Variants in IL16 observed in about 807,000 individuals in gnomAD.
IL16 encodes interleukin 16.
Under a neutral mutation model 110.1 loss-of-function variants are expected in IL16, and 67 were observed. The observed-to-expected ratio is 0.61, with a 90% CI of 0.50 to 0.75. The LOEUF (loss-of-function observed/expected upper bound fraction) is 0.75. IL16 is among the 30% of genes least tolerant of loss of function. IL16 has a pLI of 0.00. For synonymous variants in IL16, 689 were observed against 662.9 expected (o/e 1.04, Z -0.61); for missense variants, 1,545 against 1,655.0 (o/e 0.93, Z 1.15).
At position 81,290,623 on chromosome 15, in the gene IL16, C is replaced by T. The variant is rs1400406798; in HGVS notation, c.1420+83C>T. The T allele has an allele frequency of 4.4e-6, 4 of 898,956 alleles. No homozygotes were observed. In the African/African-American group the frequency reaches 6.7e-5, roughly 15 times the overall value. The allele number at this position is 898,956 out of a possible 1,614,324, so 55.7% of individuals were successfully genotyped here. On this transcript the variant is annotated intron_variant, in intron 11 of 18. Coordinates refer to ENST00000683961, the MANE Select transcript of IL16 (RefSeq NM_172217.5). Reference sequence around the variant, plus strand: ...ATTTATCCATTAACTCATCCTCTATCCAAGGAATAGTAACAGCATTTACCA... The same window carrying T: ...ATTTATCCATTAACTCATCCTCTATTCAAGGAATAGTAACAGCATTTACCA...
intron 3 of IL16, among the ~76,000 whole-genome samples, chr15:81,264,018 C>T (rs971487802): frequency 2.0e-5 from 3 of 152,200 alleles, no homozygotes; most frequent in African/African-American, 7.2e-5. Context: ...TTTCCCCAGA[C>T]CCGAAACGTG....
At chr15:81,257,997 G>GACACACACACAGATGT (rs1189199551) in intron 2 of IL16, among the ~76,000 whole-genome samples, 1 of 151,878 alleles carries the variant, frequency 6.6e-6, no homozygotes, top group Non-Finnish European at 1.5e-5. Context: ...CACACACACA[G>GACACACACACAGATGT]ACACACACAC....
chr15:81,259,143 A>G (rs1191229926), intron 2 of IL16, among the ~76,000 whole-genome samples: 1 of 152,252 alleles, frequency 6.6e-6, no homozygotes, highest in Non-Finnish European at 1.5e-5. Flanking sequence ...TATAGTAATA[A>G]GCAATATAGT....
At chr15:81,304,942 C>T (rs973926841) in intron 16 of IL16, among the ~76,000 whole-genome samples, 16 of 152,180 alleles carry the variant, frequency 1.1e-4, no homozygotes, top group African/African-American at 3.9e-4. Flanking sequence ...TAATGGACCT[C>T]ATTAAAGAGG....
At chr15:81,290,847 A>G (rs139598542) in intron 11 of IL16, among the ~76,000 whole-genome samples, 4 of 152,356 alleles carry the variant, frequency 2.6e-5, no homozygotes, top group African/African-American at 7.2e-5. Flanking sequence ...CATTCACACA[A>G]TAGCCCCTGC....
intron 8 of IL16, 54 bp from the exon 9 acceptor site, chr15:81,282,585 C>A (rs1899228938): frequency 3.0e-6 from 4 of 1,314,892 alleles, no homozygotes; most frequent in Middle Eastern, 2.4e-4. Flanking sequence ...GACGAGTAGG[C>A]CCCCTGGGAA....
chr15:81,288,850 C>CGTGT (rs1567038471), intron 10 of IL16, among the ~76,000 whole-genome samples: 1 of 81,372 alleles, frequency 1.2e-5, no homozygotes, highest in Admixed American at 1.2e-4. Flanking sequence ...TGTGTGTGTG[C>CGTGT]GTGTGTGTGT....
chr15:81,243,157 ATATATATTTTTTTT>A (rs1897398461), intron 2 of IL16, among the ~76,000 whole-genome samples: 4 of 36,580 alleles, frequency 1.1e-4, no homozygotes, highest in Admixed American at 3.7e-4. Context: ...ATATATATAT[ATATATATTTTTTTT>A]TTTTTTTTTT....
chr15:81,292,224 C>T (rs1462694403), intron 11 of IL16: 1 of 389,004 alleles, frequency 2.6e-6, no homozygotes, highest in African/African-American at 2.1e-5. Context: ...GCTGTGGCAG[C>T]CCCTGGAGGG....
chr15:81,308,528 T>C (rs1035802438), intron 18 of IL16, 77 bp from the exon 19 acceptor site: 30 of 1,087,450 alleles, frequency 2.8e-5, no homozygotes, highest in Non-Finnish European at 3.6e-5. Context: ...TCCTGGCTCT[T>C]TGGAGATCAA....
intron 2 of IL16, among the ~76,000 whole-genome samples, chr15:81,251,221 CA>C (rs1339926213): frequency 6.6e-6 from 1 of 152,142 alleles, no homozygotes; most frequent in Admixed American, 6.5e-5. Context: ...GGCTGGGATG[CA>C]GTGGTGTGAT....
intron 15 of IL16, among the ~76,000 whole-genome samples, chr15:81,301,888 A>C (rs1900306430): frequency 6.6e-6 from 1 of 152,160 alleles, no homozygotes. Flanking sequence ...GTCCATTGTA[A>C]ACAATGTGGG....
chr15:81,225,673 G>T lies in IL16; in HGVS notation c.274G>T (p.Asp92Tyr). Reference sequence around the variant, plus strand: ...TGCTCAACTCCAAGCAGCTGGGAATGATCGAGGCAAGACCTGTAGGAGGAT... The same window carrying T: ...TGCTCAACTCCAAGCAGCTGGGAATTATCGAGGCAAGACCTGTAGGAGGAT... Reference protein sequence around the residue: ...EAAQLQAAGNDRGKTCRRIFF... With the variant: ...EAAQLQAAGNYRGKTCRRIFF... The change falls in exon 2 of 19, where the codon GAT becomes TAT. Residue 92 changes from aspartate to tyrosine, a missense_variant. Physicochemically the swap from Asp to Tyr is radical, Grantham distance 160. Around this residue, in one of 3 missense-constraint regions of IL16, gnomAD observed 1,185 missense variants for 1,238.8 expected, o/e 0.96. Coordinates refer to ENST00000683961, the MANE Select transcript of IL16 (RefSeq NM_172217.5). 1 of 1,613,816 alleles carries T rather than the reference G, an allele frequency of 6.2e-7. No individual in the cohort carries two copies. The highest frequency in any genetic ancestry group is 1.1e-5 in the South Asian group (1 of 91,008).
intron 2 of IL16, among the ~76,000 whole-genome samples, chr15:81,226,606 G>A (rs72744142): frequency 0.047 from 7,174 of 152,280 alleles, 229 homozygotes; most frequent in Non-Finnish European, 0.071. Context: ...CCTTCTTCAG[G>A]AGGGAAATCA....
chr15:81,265,705 G>C lies in IL16; in HGVS notation c.468G>C (p.Lys156Asn), dbSNP rs753304539. 1.2e-6 allele frequency: 2 copies of C among 1,613,932 alleles called. No homozygotes were observed. Among genetic ancestry groups the C allele is most frequent in the East Asian group, 4.5e-5 (2 of 44,886 alleles). Residue 156 changes from lysine (K) to asparagine (N), a missense_variant, in exon 4 of 19, where the codon AAG becomes AAC. Transcript: ENST00000683961. The stretch of plus-strand genomic sequence containing the variant: ...GAGAAATTGATTTTCCAATGACCAA[G>C]AAATCTGCAGCGCCCACGGACAGGC... ...CTREIDFPMT[K>N]KSAAPTDRQP...
At position 81,292,691 on chromosome 15, in the gene IL16, G is replaced by C; in HGVS notation, c.1556G>C (p.Gly519Ala). Reference sequence around the variant, plus strand: ...AGCAGTGACAGCAGCTACATGTCTGGGTCCCCAGGGGGAAGTCCTGGGAGT... The same window carrying C: ...AGCAGTGACAGCAGCTACATGTCTGCGTCCCCAGGGGGAAGTCCTGGGAGT... Reference protein sequence around the residue: ...RSSSDSSYMSGSPGGSPGSGS... With the variant: ...RSSSDSSYMSASPGGSPGSGS... Residue 519 changes from glycine (G) to alanine (A), a missense_variant, in exon 12 of 19, where the codon GGG (glycine) becomes GCG (alanine). By Grantham distance (60) the Gly-to-Ala change is moderately conservative. This residue lies in a region of IL16 where 1,185 missense variants were observed against 1,238.8 expected (regional missense o/e 0.96). Coordinates refer to ENST00000683961, the MANE Select transcript of IL16 (RefSeq NM_172217.5). 1 of 1,614,152 alleles carries C rather than the reference G, an allele frequency of 6.2e-7. No homozygotes were observed. Among genetic ancestry groups the C allele is most frequent in the South Asian group, 1.1e-5 (1 of 91,074 alleles).
chr15:81,198,663 C>G lies in IL16; in HGVS notation c.-102+1511C>G, dbSNP rs1036823460. Among the ~76,000 whole-genome samples, 7 of 115,704 alleles carry G rather than the reference C, an allele frequency of 6.0e-5. No individual in the cohort carries two copies. The South Asian group carries it at 1.1e-3, about 18-fold the overall frequency. 75.9% of individuals were successfully genotyped at this position (115,704 alleles called of 152,430 possible). A position where few individuals can be genotyped will look rare whatever the true frequency, so the allele number is the denominator to read the frequency against. ...CCTGCCCTTTTGTCAACCCCTCCCCCTTTCTGGTTCCCAGCAGTGGCCCAG... is the reference window on the plus strand; with the variant it reads ...CCTGCCCTTTTGTCAACCCCTCCCCGTTTCTGGTTCCCAGCAGTGGCCCAG... On this transcript the variant is annotated intron_variant, in intron 1 of 18. Coordinates refer to ENST00000683961, the MANE Select transcript of IL16 (RefSeq NM_172217.5).
intron 18 of IL16, among the ~76,000 whole-genome samples, chr15:81,307,955 T>C (rs931227301): frequency 6.6e-6 from 1 of 152,284 alleles, no homozygotes; most frequent in African/African-American, 2.4e-5. Flanking sequence ...TTTTCATTAC[T>C]ATCATTAGTA....
At chr15:81,251,755 C>G (rs560354839) in intron 2 of IL16, among the ~76,000 whole-genome samples, 1 of 152,116 alleles carries the variant, frequency 6.6e-6, no homozygotes, top group African/African-American at 2.4e-5. Context: ...CCCACTGGAA[C>G]TAGCATAATG....
Sources: gnomAD v4.1 joint callset for allele counts (sites outside exome capture counted in the v4.1 genomes callset) on GRCh38, gnomAD v4.1.1 for gene constraint, gnomAD v4.1.1 regional missense constraint, MANE v1.5 for transcripts, NCBI Gene and HGNC (gene_info 2026-07-23, HGNC 2026-07-21) for gene names.